ZNF277: variants seen among roughly 807,000 people sequenced by gnomAD.
ZNF277 encodes the protein zinc finger protein 277, also known as nuclear receptor-interacting factor 4.
ZNF277 carries 55 observed loss-of-function variants against 60.7 expected under a neutral mutation model. That is an observed-to-expected ratio of 0.91 (90% CI 0.73 to 1.13). The LOEUF (loss-of-function observed/expected upper bound fraction) is 1.13, where lower values mean the gene tolerates loss of function less well. ZNF277 is among the 50% of genes most tolerant of loss of function. The pLI, the probability that ZNF277 is intolerant of heterozygous loss-of-function variation, is 0.00. For missense variants in ZNF277, 510 were observed against 523.0 expected (o/e 0.98, Z 0.24); for synonymous variants, 178 against 179.3 (o/e 0.99, Z 0.06).
At chr7:112,338,703 T>A (rs1045497937) in intron 9 of ZNF277, among the ~76,000 whole-genome samples, 1 of 152,338 alleles carries the variant, frequency 6.6e-6, no homozygotes, top group African/African-American at 2.4e-5. Context: ...CTGAAAAAGG[T>A]TCCCACTAGT....
At chr7:112,309,924 A>G (rs1792682576) in intron 4 of ZNF277, among the ~76,000 whole-genome samples, 2 of 152,056 alleles carry the variant, frequency 1.3e-5, no homozygotes, top group African/African-American at 2.4e-5. Context: ...GACGCATAGG[A>G]TGAGATCTGG....
Position 112,252,532 on chromosome 7 carries a change from C to T in ZNF277, c.92-34341C>T, listed in dbSNP as rs928569256. 1.8e-4 allele frequency among the ~76,000 whole-genome samples: 28 copies of T among 152,010 alleles called. 1 individual carries two copies. Among genetic ancestry groups the T allele is most frequent in the Middle Eastern group, 3.2e-3 (1 of 316 alleles). On this transcript the variant is annotated intron_variant, in intron 1 of 11. Coordinates refer to ENST00000361822, the MANE Select transcript of ZNF277 (RefSeq NM_021994.3). ...AAAAGGTACTTTATACATATATACC[C>T]GTGATGTCGCTAGGATAAAAATAAC... is the stretch of plus-strand genomic sequence containing the variant.
chr7:112,212,001 G>A (rs932842761), intron 1 of ZNF277, among the ~76,000 whole-genome samples: 4 of 152,190 alleles, frequency 2.6e-5, no homozygotes, highest in African/African-American at 4.8e-5. Context: ...AACTGAAGTA[G>A]AATAAAAAAC....
intron 4 of ZNF277, among the ~76,000 whole-genome samples, chr7:112,305,549 A>G (rs923683481): frequency 6.6e-6 from 1 of 152,090 alleles, no homozygotes; most frequent in Non-Finnish European, 1.5e-5. Flanking sequence ...ATGACCAAAT[A>G]GAAGTCATAG....
chr7:112,257,268 T>C (rs1448389375), intron 1 of ZNF277, among the ~76,000 whole-genome samples: 1 of 152,208 alleles, frequency 6.6e-6, no homozygotes, highest in Non-Finnish European at 1.5e-5. Flanking sequence ...TTACCCAGCA[T>C]TTACTTTGTG....
In ZNF277 at chr7:112,342,519, T is replaced by C. The variant is rs150337088; in HGVS notation, c.1185-42T>C. ...ACATTCAGCTACCTGGACACTGTAT[T>C]AGCTTGGTAATTTAATACTATGTAT... On this transcript the variant is annotated intron_variant, in intron 11 of 11. Transcript: ENST00000361822. 1.4e-4 allele frequency: 206 copies of C among 1,508,804 alleles called. No individual in the cohort carries two copies. The African/African-American group carries it at 2.2e-3, about 16-fold the overall frequency. 93.5% of individuals were successfully genotyped at this position (1,508,804 alleles called of 1,614,324 possible). A position where few individuals can be genotyped will look rare whatever the true frequency, so the allele number is the denominator to read the frequency against.
chr7:112,340,945 C>T lies in ZNF277; in HGVS notation c.1083C>T (p.Gly361=), dbSNP rs35471500. 4 of 1,612,848 alleles carry T rather than the reference C, an allele frequency of 2.5e-6. No individual in the cohort carries two copies. Among genetic ancestry groups the T allele is most frequent in the South Asian group, 2.2e-5 (2 of 90,590 alleles). The change falls in exon 11 of 12, where the codon GGC becomes GGT. Residue 361 remains glycine (G), a synonymous_variant. Coordinates refer to ENST00000361822, the MANE Select transcript of ZNF277 (RefSeq NM_021994.3). ...RRQVHQCRCY[G]CHVKFKSKAD... Reference sequence around the variant, plus strand: ...AAGTTCACCAATGCAGATGTTATGGCTGCCATGTGAAGTTCAAATCCAAAG... The same window carrying T: ...AAGTTCACCAATGCAGATGTTATGGTTGCCATGTGAAGTTCAAATCCAAAG...
At chr7:112,237,144 A>C (rs1790816768) in intron 1 of ZNF277, among the ~76,000 whole-genome samples, 1 of 152,186 alleles carries the variant, frequency 6.6e-6, no homozygotes, top group Non-Finnish European at 1.5e-5. Flanking sequence ...GTATGACAAA[A>C]TTAAGATGGA....
chr7:112,219,875 A>G (rs1451542798), intron 1 of ZNF277, among the ~76,000 whole-genome samples: 3 of 152,196 alleles, frequency 2.0e-5, no homozygotes, highest in African/African-American at 7.2e-5. Flanking sequence ...GGGTTCAAGC[A>G]GTCCTCCTGC....
chr7:112,218,071 T>C (rs942672436), intron 1 of ZNF277, among the ~76,000 whole-genome samples: 8 of 152,188 alleles, frequency 5.3e-5, no homozygotes, highest in Non-Finnish European at 1.0e-4. Flanking sequence ...ATTTGAGTAA[T>C]AATAAAACTC....
At chr7:112,281,433 C>G (rs748668435) in intron 1 of ZNF277, among the ~76,000 whole-genome samples, 1 of 152,160 alleles carries the variant, frequency 6.6e-6, no homozygotes, top group African/African-American at 2.4e-5. Flanking sequence ...TCCTTGCTTA[C>G]TGGGGAGTAT....
chr7:112,287,280 C>A, intron 2 of ZNF277: 1 of 569,520 alleles, frequency 1.8e-6, no homozygotes, highest in African/African-American at 1.9e-5. Flanking sequence ...GAGGTTGAGG[C>A]AGGAGGGCTG....
intron 1 of ZNF277, among the ~76,000 whole-genome samples, chr7:112,264,796 G>A (rs963328583): frequency 5.3e-5 from 8 of 152,102 alleles, no homozygotes; most frequent in Admixed American, 3.3e-4. Flanking sequence ...CACATATTAA[G>A]TGTGCAATAA....
At chr7:112,234,200 G>A (rs1053004124) in intron 1 of ZNF277, among the ~76,000 whole-genome samples, 1 of 152,060 alleles carries the variant, frequency 6.6e-6, no homozygotes, top group Non-Finnish European at 1.5e-5. Context: ...TAGAATTTCT[G>A]GGTTAAATTA....
chr7:112,309,949 C>G (rs1792683241), intron 4 of ZNF277, among the ~76,000 whole-genome samples: 1 of 152,054 alleles, frequency 6.6e-6, no homozygotes, highest in African/African-American at 2.4e-5. Flanking sequence ...TTCCCAAATA[C>G]AAAGCTGCCA....
intron 4 of ZNF277, among the ~76,000 whole-genome samples, chr7:112,298,072 T>C (rs915804914): frequency 1.1e-4 from 17 of 152,210 alleles, no homozygotes. Flanking sequence ...TACATGCTCG[T>C]TGAATTTCTG....
chr7:112,244,470 A>G (rs1791034044), intron 1 of ZNF277, among the ~76,000 whole-genome samples: 1 of 152,142 alleles, frequency 6.6e-6, no homozygotes, highest in Non-Finnish European at 1.5e-5. Flanking sequence ...TTTTTTGGTT[A>G]TAATTTAAAT....
chr7:112,338,113 G>T (rs558956583), intron 9 of ZNF277, among the ~76,000 whole-genome samples: 1 of 152,326 alleles, frequency 6.6e-6, no homozygotes, highest in South Asian at 2.1e-4. Flanking sequence ...CAGGTTCTGA[G>T]TCTTTTTTCC....
chr7:112,239,197 A>G (rs954595372), intron 1 of ZNF277, among the ~76,000 whole-genome samples: 1 of 152,150 alleles, frequency 6.6e-6, no homozygotes, highest in African/African-American at 2.4e-5. Context: ...TTCTCTTGCA[A>G]CTTGGGTACC....
Sources: allele counts gnomAD v4.1 joint callset (sites outside exome capture counted in the v4.1 genomes callset), GRCh38; gene constraint gnomAD v4.1.1; transcripts MANE v1.5; gene names NCBI Gene and HGNC (gene_info 2026-07-23, HGNC 2026-07-21).